ANKMY1: variants seen among roughly 807,000 people sequenced by gnomAD.
ANKMY1 encodes ankyrin repeat and MYND domain containing 1.
A neutral mutation model predicts 102.0 loss-of-function variants in ANKMY1; 98 were observed. The ratio of observed to expected loss-of-function variants is 0.96; its 90% CI spans 0.82 to 1.14. The LOEUF (loss-of-function observed/expected upper bound fraction) is 1.14, where lower values mean the gene tolerates loss of function less well. ANKMY1 is among the 50% of genes most tolerant of loss of function. The pLI, the probability that ANKMY1 is intolerant of heterozygous loss-of-function variation, is 0.00. For synonymous variants in ANKMY1, 582 were observed against 559.9 expected, an observed-to-expected ratio of 1.04 and a Z score of -0.56; for missense variants, 1,330 against 1,347.6, an observed-to-expected ratio of 0.99 and a Z score of 0.20.
chr2:240,532,117 T>C (rs2085556131), intron 4 of ANKMY1: 1 of 468,770 alleles, frequency 2.1e-6, no homozygotes, highest in South Asian at 1.6e-5. Flanking sequence ...GATCCACAAA[T>C]GGAAACATCA....
rs562546514 is a variant in ANKMY1, at chr2:240,557,436, C to T, written c.-17-84G>A. On this transcript the variant is annotated intron_variant, in intron 1 of 17. Coordinates refer to ENST00000401804, the MANE Select transcript of ANKMY1 (RefSeq NM_001282771.3). ...GGCGCCCGAGGCCCGGCCCGCGGCC[C>T]CTGAGCCTCAGAGAACCCAAGCCCC... 3.4e-5 allele frequency: 48 copies of T among 1,393,840 alleles called. No homozygotes were observed. In the African/African-American group the frequency reaches 6.4e-4, roughly 19 times the overall value. The allele number at this position is 1,393,840 out of a possible 1,614,324, so 86.3% of individuals were successfully genotyped here.
In ANKMY1 at chr2:240,520,608, C is replaced by T; in HGVS notation, c.1833-75G>A. On this transcript the variant is annotated intron_variant, in intron 8 of 17. Transcript: ENST00000401804. The surrounding 1 kb of genome is among the most constrained non-coding windows in gnomAD (Gnocchi z 4.8). ...TGCGCCCAGAACGGGGCCATGCCAG[C>T]GAGGAGGCTGGGGAGGGGCGCGTAG... The T allele has an allele frequency of 6.6e-7, 1 of 1,509,330 alleles. No homozygotes were observed. 93.5% of individuals were successfully genotyped at this position (1,509,330 alleles called of 1,614,324 possible).
In ANKMY1 at chr2:240,529,363, C is replaced by G; in HGVS notation, c.627G>C (p.Glu209Asp). Reference sequence around the variant, plus strand: ...GGCTGTGGGTGATGAAGCTGGAGAACTCAGGGTATCTGAGGAGGGAGAAGC... The same window carrying G: ...GGCTGTGGGTGATGAAGCTGGAGAAGTCAGGGTATCTGAGGAGGGAGAAGC... Reference protein sequence around the residue: ...PSGFSLLRYPEFSSFITHSPA... With the variant: ...PSGFSLLRYPDFSSFITHSPA... The change falls in exon 5 of 18, where the codon GAG becomes GAC. Residue 209 changes from glutamate (E) to aspartate (D), a missense_variant. By Grantham distance (45) the Glu-to-Asp change is conservative (BLOSUM62 2). Transcript: ENST00000401804. This position sits in a 1 kb window ranked among gnomAD's most constrained non-coding sequence, Gnocchi z 4.2. 1 of 1,614,164 alleles carries G rather than the reference C, an allele frequency of 6.2e-7. No homozygotes were observed. The highest frequency in any genetic ancestry group is 1.1e-5 in the South Asian group (1 of 91,078).
chr2:240,554,718 C>G, intron 3 of ANKMY1, 148 bp downstream of exon 3: 1 of 923,934 alleles, frequency 1.1e-6, no homozygotes, highest in Non-Finnish European at 1.6e-6. Context: ...ATGCTTTTCT[C>G]TGGACATTTC....
In ANKMY1 at chr2:240,520,044, C is replaced by G. The variant is rs1040384588; in HGVS notation, c.2004+318G>C. 1.8e-6 allele frequency: 1 copy of G among 558,510 alleles called. No individual in the cohort carries two copies. The highest frequency in any genetic ancestry group is 1.9e-5 in the African/African-American group (1 of 53,470). The allele number at this position is 558,510 out of a possible 1,614,324, so 34.6% of individuals were successfully genotyped here. A position where few individuals can be genotyped will look rare whatever the true frequency, so the allele number is the denominator to read the frequency against. On this transcript the variant is annotated intron_variant, in intron 9 of 17. Transcript: ENST00000401804. This position sits in a 1 kb window ranked among gnomAD's most constrained non-coding sequence, Gnocchi z 4.8. ...TGGGTTGAAAGGAGGCCCGCCTCCT[C>G]CTGAATATAAGTCTCCCCTTTCCAA... is the stretch of plus-strand genomic sequence containing the variant.
chr2:240,539,947 A>G (rs892970998), intron 4 of ANKMY1, among the ~76,000 whole-genome samples: 1 of 152,190 alleles, frequency 6.6e-6, no homozygotes, highest in Admixed American at 6.5e-5. Context: ...GACCAGCACT[A>G]ATGTTAAAAT....
chr2:240,551,465 C>T (rs753284553), intron 4 of ANKMY1, among the ~76,000 whole-genome samples: 1 of 152,152 alleles, frequency 6.6e-6, no homozygotes, highest in African/African-American at 2.4e-5. Context: ...AATGGCCTTG[C>T]GAGAGGTTCC....
chr2:240,550,049 A>T (rs2091214124), intron 4 of ANKMY1, among the ~76,000 whole-genome samples: 2 of 151,846 alleles, frequency 1.3e-5, no homozygotes, highest in Admixed American at 1.3e-4. Context: ...TCATGCTGCT[A>T]TAAAGACACA....
At chr2:240,523,639 A>C in intron 8 of ANKMY1, 1 of 615,540 alleles carries the variant, frequency 1.6e-6, no homozygotes, top group Non-Finnish European at 2.8e-6. Context: ...CGTGGTACTG[A>C]AAACAGCCCG....
At chr2:240,509,737 A>C (rs1315465643) in intron 11 of ANKMY1, among the ~76,000 whole-genome samples, 1 of 152,158 alleles carries the variant, frequency 6.6e-6, no homozygotes, top group African/African-American at 2.4e-5. Flanking sequence ...AGTTGATTTA[A>C]AGTTTGTTTT....
rs766812905 is a variant in ANKMY1, at chr2:240,520,328, G to C, written c.2004+34C>G. On this transcript the variant is annotated intron_variant, in intron 9 of 17. Coordinates refer to ENST00000401804, the MANE Select transcript of ANKMY1 (RefSeq NM_001282771.3). The surrounding 1 kb of genome is among the most constrained non-coding windows in gnomAD (Gnocchi z 4.8). ...CGGCCAGTGCCCGGGAGTCTGCTGC[G>C]CTCGTCCCGGCGCCCGCCCGCCGCG... 9.8e-5 allele frequency: 148 copies of C among 1,508,952 alleles called. No individual in the cohort carries two copies. The highest frequency in any genetic ancestry group is 1.3e-4 in the Non-Finnish European group (144 of 1,123,378). The allele number at this position is 1,508,952 out of a possible 1,614,324, so 93.5% of individuals were successfully genotyped here.
chr2:240,512,380 G>A (rs1052933318), intron 10 of ANKMY1, among the ~76,000 whole-genome samples: 18 of 152,250 alleles, frequency 1.2e-4, no homozygotes, highest in African/African-American at 3.4e-4. Context: ...ATGGCCTTGC[G>A]GCCCATGACT....
At chr2:240,485,840 G>C (rs991227014) in intron 15 of ANKMY1, among the ~76,000 whole-genome samples, 3 of 152,104 alleles carry the variant, frequency 2.0e-5, no homozygotes, top group African/African-American at 7.2e-5. Context: ...TAATTCTTCT[G>C]CCTTAGCCTC....
rs1465086681 is a variant in ANKMY1 at position 240,499,365 on chromosome 2, T to G, written c.2806+593A>C. On this transcript the variant is annotated intron_variant, in intron 15 of 17. Transcript: ENST00000401804. The surrounding 1 kb of genome is among the most constrained non-coding windows in gnomAD (Gnocchi z 4.2). ...GTATGTGGGGGTGGGGGTGAGTAGG[T>G]GGGTGGGGATGTGGGGGTAGGGAGT... Among the ~76,000 whole-genome samples, 2 of 33,758 alleles carry G rather than the reference T, an allele frequency of 5.9e-5. No individual in the cohort carries two copies. The highest frequency in any genetic ancestry group is 2.3e-4 in the African/African-American group (2 of 8,762). 22.1% of individuals were successfully genotyped at this position (33,758 alleles called of 152,430 possible). A position where few individuals can be genotyped will look rare whatever the true frequency, so the allele number is the denominator to read the frequency against.
Position 240,529,273 on chromosome 2 carries a change from G to C in ANKMY1, c.717C>G (p.Pro239=). The change falls in exon 5 of 18, where the codon CCC becomes CCG. Residue 239 remains proline (P), a synonymous_variant. Transcript: ENST00000401804. This position sits in a 1 kb window ranked among gnomAD's most constrained non-coding sequence, Gnocchi z 4.2. ...GAAACCGCTTATAGTCATAGAAAAA[G>C]GGATCCTGTCCCTCCTGCAGTCCCC... is the stretch of plus-strand genomic sequence containing the variant. The part of the protein sequence containing the change: ...TEWGLQEGQD[P]FFYDYKRFLL... The C allele has an allele frequency of 1.2e-6, 2 of 1,614,150 alleles. No homozygotes were observed. Among genetic ancestry groups the C allele is most frequent in the South Asian group, 2.2e-5 (2 of 91,088 alleles).
At chr2:240,516,872 C>T (rs188733919) in intron 9 of ANKMY1, among the ~76,000 whole-genome samples, 27 of 152,272 alleles carry the variant, frequency 1.8e-4, no homozygotes, top group African/African-American at 4.8e-4. Flanking sequence ...ACTGAGGTAA[C>T]GGAGGACCGA....
At chr2:240,507,430 C>T in intron 13 of ANKMY1, 130 bp downstream of exon 13, 1 of 909,902 alleles carries the variant, frequency 1.1e-6, no homozygotes, top group Non-Finnish European at 1.4e-6. Flanking sequence ...AGCCCTTATA[C>T]CCCTCACCCA....
At chr2:240,540,025 A>T (rs920065963) in intron 4 of ANKMY1, among the ~76,000 whole-genome samples, 1 of 152,222 alleles carries the variant, frequency 6.6e-6, no homozygotes, top group Non-Finnish European at 1.5e-5. Context: ...ACAGGACCTA[A>T]AGCCATGCAT....
intron 6 of ANKMY1, 116 bp from the exon 7 acceptor site, chr2:240,525,965 G>A (rs2083299024): frequency 7.6e-7 from 1 of 1,314,380 alleles, no homozygotes; most frequent in Non-Finnish European, 1.1e-6. Flanking sequence ...AGGAACCAGT[G>A]CTCATTCGGG....
Sources: allele counts gnomAD v4.1 joint callset (sites outside exome capture counted in the v4.1 genomes callset), GRCh38; gene constraint gnomAD v4.1.1; non-coding constraint Gnocchi (gnomAD v3.1); transcripts MANE v1.5; gene names NCBI Gene and HGNC (gene_info 2026-07-23, HGNC 2026-07-21).